Variants in CYP4X1 observed in about 807,000 individuals in gnomAD.
CYP4X1 encodes cytochrome P450 4X1.
A neutral mutation model predicts 57.9 loss-of-function variants in CYP4X1; 44 were observed. That is an observed-to-expected ratio of 0.76 (90% CI 0.60 to 0.98). The LOEUF is 0.98. Among genes scored for constraint, CYP4X1 ranks in the 50% least tolerant of loss-of-function variants. The pLI, the probability that CYP4X1 is intolerant of heterozygous loss-of-function variation, is 0.00. For missense variants in CYP4X1, 532 were observed against 623.9 expected, an observed-to-expected ratio of 0.85 and a Z score of 1.57; for synonymous variants, 227 against 228.6, an observed-to-expected ratio of 0.99 and a Z score of 0.06.
chr1:47,031,219 C>T (rs1644120540), intron 2 of CYP4X1, among the ~76,000 whole-genome samples: 1 of 152,236 alleles, frequency 6.6e-6, no homozygotes, highest in South Asian at 2.1e-4. Flanking sequence ...GGTTTCTGTA[C>T]TTGTCTGCCT....
At chr1:47,021,689 A>G (rs974458803), upstream of CYP4X1, among the ~76,000 whole-genome samples, 1 of 152,184 alleles carries the variant, frequency 6.6e-6, no homozygotes, top group African/African-American at 2.4e-5. Flanking sequence ...TTTGTTACCC[A>G]TGAAAGCACA....
At chr1:46,973,244 T>C in the CYP4X1 span, among the ~76,000 whole-genome samples, 1 of 152,282 alleles carries the variant, frequency 6.6e-6, no homozygotes, top group East Asian at 1.9e-4. Flanking sequence ...GGTTTGTATG[T>C]ATTGAACCAC....
chr1:46,995,752 T>C, the CYP4X1 span, among the ~76,000 whole-genome samples: 3 of 152,212 alleles, frequency 2.0e-5, no homozygotes, highest in South Asian at 2.1e-4. Context: ...ATAAAACTCA[T>C]AGGGCCAGAG....
chr1:46,967,739 T>C, the CYP4X1 span: 4 of 1,223,416 alleles, frequency 3.3e-6, no homozygotes, highest in Non-Finnish European at 4.3e-6. Context: ...ATTCCACTTT[T>C]GAACTTCAGC....
the CYP4X1 span, among the ~76,000 whole-genome samples, chr1:46,995,533 C>T: frequency 2.0e-5 from 3 of 152,010 alleles, no homozygotes; most frequent in Admixed American, 6.6e-5. Flanking sequence ...TCACTTTTTT[C>T]ATGATTTATT....
At chr1:47,035,575 T>C in intron 4 of CYP4X1, among the ~76,000 whole-genome samples, 1 of 152,196 alleles carries the variant, frequency 6.6e-6, no homozygotes, top group East Asian at 1.9e-4. Flanking sequence ...AACTCAGCCA[T>C]TTACCATATA....
intron 3 of CYP4X1, among the ~76,000 whole-genome samples, 187 bp from the exon 4 acceptor site, chr1:47,033,054 A>G (rs919455677): frequency 2.0e-5 from 3 of 152,170 alleles, no homozygotes; most frequent in Admixed American, 6.5e-5. Flanking sequence ...TCCATCCCAG[A>G]GGTAAGCTTC....
the CYP4X1 span, among the ~76,000 whole-genome samples, chr1:46,995,365 G>A: frequency 1.1e-4 from 16 of 151,976 alleles, no homozygotes; most frequent in African/African-American, 3.9e-4. Context: ...TATCCATCCA[G>A]GAAAGGAAAA....
chr1:46,977,374 C>T, the CYP4X1 span, among the ~76,000 whole-genome samples: 11 of 151,984 alleles, frequency 7.2e-5, no homozygotes, highest in African/African-American at 2.7e-4. Flanking sequence ...GAAAGGGTAT[C>T]AGTGATTGAA....
chr1:47,049,562 A>G, intron 11 of CYP4X1, 58 bp downstream of exon 11: 2 of 1,467,826 alleles, frequency 1.4e-6, no homozygotes, highest in Non-Finnish European at 1.9e-6. Context: ...AGAGTAGTTT[A>G]TTCCTTTCAG....
upstream of CYP4X1, among the ~76,000 whole-genome samples, chr1:47,022,069 T>A (rs1017982476): frequency 6.6e-6 from 1 of 152,088 alleles, no homozygotes; most frequent in Non-Finnish European, 1.5e-5. Context: ...TATGAAAAGC[T>A]GAAATGCCAT....
intron 1 of CYP4X1, 81 bp downstream of exon 1, chr1:47,024,075 G>T: frequency 6.7e-7 from 1 of 1,490,258 alleles, no homozygotes; most frequent in Non-Finnish European, 9.0e-7. Context: ...GCAGAGAGAC[G>T]CAGCTTTCTT....
the CYP4X1 span, among the ~76,000 whole-genome samples, chr1:46,978,672 A>G: frequency 1.3e-5 from 2 of 151,522 alleles, no homozygotes; most frequent in Non-Finnish European, 2.9e-5. Context: ...TAGAATATAC[A>G]TTCTTCTCAG....
upstream of CYP4X1, among the ~76,000 whole-genome samples, chr1:47,019,851 A>G (rs60312619): frequency 0.013 from 2,054 of 152,346 alleles, 47 homozygotes; most frequent in African/African-American, 0.047. Flanking sequence ...TATGAGGAAG[A>G]AATAACTGAG....
rs180987037 is a variant in CYP4X1, at chr1:47,033,223, T to A, written c.365-18T>A. ...TCTAATTAAATGGCATAAGGTTTTCTGCCTTTTATTTCTCAAGGAAAAGGA... is the reference window on the plus strand; with the variant it reads ...TCTAATTAAATGGCATAAGGTTTTCAGCCTTTTATTTCTCAAGGAAAAGGA... On this transcript the variant is annotated intron_variant, in intron 3 of 11. Transcript: ENST00000371901. 9.9e-5 allele frequency: 159 copies of A among 1,609,872 alleles called. 1 individual carries two copies. Among genetic ancestry groups the A allele is most frequent in the Admixed American group, 4.9e-4 (29 of 58,978 alleles).
the CYP4X1 span, among the ~76,000 whole-genome samples, chr1:47,010,180 G>A: frequency 2.2e-3 from 335 of 150,666 alleles, 3 homozygotes; most frequent in African/African-American, 7.9e-3. Flanking sequence ...CTAGCAAACC[G>A]AATCCAGCAG....
the CYP4X1 span, among the ~76,000 whole-genome samples, chr1:47,009,798 C>A: frequency 6.6e-6 from 1 of 152,208 alleles, no homozygotes; most frequent in African/African-American, 2.4e-5. Context: ...TGCAAATAAA[C>A]TAGAAGATCT....
downstream of CYP4X1, among the ~76,000 whole-genome samples, chr1:47,053,811 G>A (rs1261538332): frequency 6.6e-6 from 1 of 152,184 alleles, no homozygotes; most frequent in South Asian, 2.1e-4. Context: ...GTAGATTCTG[G>A]ATATTAGGCC....
At chr1:46,961,703 T>C in the CYP4X1 span, 1 of 1,297,264 alleles carries the variant, frequency 7.7e-7, no homozygotes, top group Admixed American at 2.3e-5. Flanking sequence ...ACCAACTTCT[T>C]CACTTGCAGA....
Sources: allele counts gnomAD v4.1 joint callset (sites outside exome capture counted in the v4.1 genomes callset), GRCh38; gene constraint gnomAD v4.1.1; transcripts MANE v1.5; gene names NCBI Gene and HGNC (gene_info 2026-07-23, HGNC 2026-07-21).